COP1: variants seen among roughly 807,000 people sequenced by gnomAD.
COP1 encodes the protein COP1 E3 ubiquitin ligase, also known as E3 ubiquitin-protein ligase COP1.
A neutral mutation model predicts 101.3 loss-of-function variants in COP1; 24 were observed. The ratio of observed to expected loss-of-function variants is 0.24; its 90% CI spans 0.17 to 0.33. COP1 has a LOEUF of 0.33. COP1 is among the 10% of genes least tolerant of loss of function. The pLI is 1.00. For synonymous variants in COP1, 347 were observed against 341.9 expected (o/e 1.01, Z -0.17); for missense variants, 663 against 906.2 (o/e 0.73, Z 3.45).
chr1:176,183,692 A>G (rs1257988679), intron 2 of COP1, among the ~76,000 whole-genome samples: 3 of 152,220 alleles, frequency 2.0e-5, no homozygotes, highest in African/African-American at 7.2e-5. Context: ...GCCAAAAGGT[A>G]GAAGAAGCAA....
chr1:175,980,295 A>C (rs945814840), intron 18 of COP1, among the ~76,000 whole-genome samples: 1 of 146,976 alleles, frequency 6.8e-6, no homozygotes, highest in African/African-American at 2.5e-5. Context: ...ACAAGACAGT[A>C]TATTAATTCA....
chr1:175,967,436 A>T (rs886096391), intron 18 of COP1, among the ~76,000 whole-genome samples: 3 of 152,186 alleles, frequency 2.0e-5, no homozygotes, highest in Non-Finnish European at 4.4e-5. Flanking sequence ...CAGTGAGCTG[A>T]GATTATGCCA....
intron 15 of COP1, among the ~76,000 whole-genome samples, chr1:176,023,718 C>CAAAAAAAAAAAAAAAAAAAAA (rs759455090): frequency 8.2e-5 from 10 of 122,066 alleles, no homozygotes; most frequent in African/African-American, 1.4e-4. Context: ...AACTCCATCT[C>CAAAAAAAAAAAAAAAAAAAAA]AAAAAAAAAA....
At chr1:176,184,568 T>C in intron 2 of COP1, 65 bp downstream of exon 2, 6 of 1,298,596 alleles carry the variant, frequency 4.6e-6, no homozygotes, top group Non-Finnish European at 6.5e-6. Context: ...AACTTCTCAT[T>C]GGCTACATTT....
rs1271825211 is a variant in COP1, at chr1:176,207,149, C to G, written c.-171G>C. ...TTTTTTTAAGGCAGCCACACAACAGCGTCCCACGGGAGGGGGCGGAGGAAA... is the reference window on the plus strand; with the variant it reads ...TTTTTTTAAGGCAGCCACACAACAGGGTCCCACGGGAGGGGGCGGAGGAAA... On this transcript the variant is annotated 5_prime_UTR_variant, in exon 1 of 20. Transcript: ENST00000367669. The G allele has an allele frequency of 2.1e-6, 1 of 471,150 alleles. No homozygotes were observed. Among genetic ancestry groups the G allele is most frequent in the African/African-American group, 2.0e-5 (1 of 49,330 alleles). 29.2% of individuals were successfully genotyped at this position (471,150 alleles called of 1,614,324 possible). A position where few individuals can be genotyped will look rare whatever the true frequency, so the allele number is the denominator to read the frequency against.
chr1:176,151,353 A>AAAAAG (rs1553292718), intron 5 of COP1, among the ~76,000 whole-genome samples: 5 of 116,098 alleles, frequency 4.3e-5, no homozygotes, highest in African/African-American at 1.4e-4. Context: ...GAAAGAAAGA[A>AAAAAG]AAAGAAAGAA....
intron 9 of COP1, among the ~76,000 whole-genome samples, chr1:176,106,611 C>G (rs1831447): frequency 0.86 from 130,976 of 152,098 alleles, 58,565 homozygotes; most frequent in Non-Finnish European, 0.98. Context: ...CCCCACCCAG[C>G]AATTGACCCA....
In COP1 at chr1:176,089,278, C is replaced by G. The variant is rs368819580; in HGVS notation, c.1027-3388G>C. ...AGTGCACCCCAGCCTGGGTGACAGA[C>G]TGAGACTCTGTCTAAAACAATAACA... is the stretch of plus-strand genomic sequence containing the variant. On this transcript the variant is annotated intron_variant, in intron 9 of 19. Coordinates refer to ENST00000367669, the MANE Select transcript of COP1 (RefSeq NM_022457.7). Among the ~76,000 whole-genome samples, 399 of 138,276 alleles carry G rather than the reference C, an allele frequency of 2.9e-3. 3 individuals carry two copies. The highest frequency in any genetic ancestry group is 0.01 in the African/African-American group (381 of 36,452). The allele number at this position is 138,276 out of a possible 152,430, so 90.7% of individuals were successfully genotyped here.
intron 11 of COP1, among the ~76,000 whole-genome samples, chr1:176,056,281 T>A (rs763346072): frequency 6.6e-6 from 1 of 152,206 alleles, no homozygotes; most frequent in African/African-American, 2.4e-5. Flanking sequence ...TGTTTGTATA[T>A]GTGTTCTAGT....
At chr1:176,156,102 A>G (rs899728525) in intron 5 of COP1, among the ~76,000 whole-genome samples, 1 of 151,720 alleles carries the variant, frequency 6.6e-6, no homozygotes, top group South Asian at 2.1e-4. Flanking sequence ...TTTAAAAAAG[A>G]AAAAAAAAGT....
intron 15 of COP1, among the ~76,000 whole-genome samples, chr1:175,994,787 A>G (rs556152980): frequency 2.0e-5 from 3 of 152,046 alleles, no homozygotes; most frequent in Non-Finnish European, 4.4e-5. Context: ...CTCCCACACA[A>G]TAATAATGGG....
chr1:175,999,000 G>C (rs936388926), intron 15 of COP1, among the ~76,000 whole-genome samples: 4 of 152,050 alleles, frequency 2.6e-5, no homozygotes, highest in African/African-American at 9.7e-5. Flanking sequence ...GGGTTTCTAT[G>C]ACTCTCTATT....
At chr1:176,203,197 CG>C (rs1700460385) in intron 1 of COP1, among the ~76,000 whole-genome samples, 1 of 151,400 alleles carries the variant, frequency 6.6e-6, no homozygotes, top group South Asian at 2.1e-4. Flanking sequence ...ATTAGCCGGG[CG>C]GGGTGGCCGG....
At chr1:176,103,761 T>C (rs1445156350) in intron 9 of COP1, among the ~76,000 whole-genome samples, 1 of 152,134 alleles carries the variant, frequency 6.6e-6, no homozygotes. Context: ...AAAAACAAAT[T>C]TTCAGCTTTA....
intron 15 of COP1, among the ~76,000 whole-genome samples, chr1:176,015,220 G>C (rs2148979965): frequency 6.6e-6 from 1 of 152,258 alleles, no homozygotes; most frequent in East Asian, 1.9e-4. Context: ...CAGGAACGCA[G>C]GATAAATTTA....
chr1:176,168,651 C>A, intron 3 of COP1: 3 of 252,684 alleles, frequency 1.2e-5, no homozygotes, highest in East Asian at 1.5e-4. Context: ...GAGGGTCGGA[C>A]TTCCAGCCCT....
At chr1:176,129,333 G>A (rs1001330072) in intron 8 of COP1, among the ~76,000 whole-genome samples, 9 of 151,728 alleles carry the variant, frequency 5.9e-5, no homozygotes, top group Non-Finnish European at 1.3e-4. Flanking sequence ...AATCAAAAGT[G>A]TCATATAAAA....
intron 9 of COP1, among the ~76,000 whole-genome samples, chr1:176,106,751 G>A (rs905426522): frequency 2.0e-5 from 3 of 152,210 alleles, no homozygotes; most frequent in East Asian, 3.8e-4. Context: ...TGCTCGGGGA[G>A]ACTGATTTGA....
At position 176,031,540 on chromosome 1, in the gene COP1, A is replaced by G. The variant is rs149716384; in HGVS notation, c.1613-3852T>C. 4.4e-4 allele frequency among the ~76,000 whole-genome samples: 67 copies of G among 152,326 alleles called. 1 individual carries two copies. In the East Asian group the frequency reaches 0.012, roughly 28 times the overall value. On this transcript the variant is annotated intron_variant, in intron 14 of 19. Coordinates refer to ENST00000367669, the MANE Select transcript of COP1 (RefSeq NM_022457.7). ...AAAAGTAAATTTAAAAGAAAATATC[A>G]TCTTCTAGGTGAAGAGCTAAAGCAA... is the stretch of plus-strand genomic sequence containing the variant.
Sources: allele counts gnomAD v4.1 joint callset (sites outside exome capture counted in the v4.1 genomes callset), GRCh38; gene constraint gnomAD v4.1.1; transcripts MANE v1.5; gene names NCBI Gene and HGNC (gene_info 2026-07-23, HGNC 2026-07-21).